The following FRMD5 variants were observed in gnomAD, a reference collection of about 807,000 sequenced individuals.
FRMD5 encodes FERM domain containing 5, also known as FERM domain-containing protein 5.
A neutral mutation model predicts 69.0 loss-of-function variants in FRMD5; 20 were observed. The ratio of observed to expected loss-of-function variants is 0.29; its 90% CI spans 0.20 to 0.42. The LOEUF (loss-of-function observed/expected upper bound fraction) is 0.42. Ranked by LOEUF, FRMD5 falls within the 10% of genes least tolerant of loss-of-function variation. FRMD5 has a pLI of 1.00. For synonymous variants in FRMD5, 271 were observed against 260.1 expected, an observed-to-expected ratio of 1.04 and a Z score of -0.40; for missense variants, 595 against 708.6, an observed-to-expected ratio of 0.84 and a Z score of 1.82.
intron 1 of FRMD5, among the ~76,000 whole-genome samples, chr15:44,118,400 A>T (rs2076900588): frequency 6.6e-6 from 1 of 152,160 alleles, no homozygotes; most frequent in Admixed American, 6.5e-5. Flanking sequence ...AAAAATCCAG[A>T]ACATATTTGT....
chr15:44,181,692 A>G (rs536943902), intron 1 of FRMD5, among the ~76,000 whole-genome samples: 1 of 152,254 alleles, frequency 6.6e-6, no homozygotes, highest in African/African-American at 2.4e-5. Flanking sequence ...ACTTGAGTCC[A>G]GGAGTTTGAA....
chr15:43,913,458 G>C (rs987520898), intron 4 of FRMD5, among the ~76,000 whole-genome samples: 4 of 152,358 alleles, frequency 2.6e-5, no homozygotes, highest in Middle Eastern at 3.4e-3. Flanking sequence ...CTGCCACAGT[G>C]GCTTCCATCG....
intron 1 of FRMD5, among the ~76,000 whole-genome samples, chr15:44,124,987 A>G (rs1337994839): frequency 6.6e-6 from 1 of 152,172 alleles, no homozygotes; most frequent in East Asian, 1.9e-4. Flanking sequence ...CTGACAAATA[A>G]GAACAATTAA....
intron 8 of FRMD5, among the ~76,000 whole-genome samples, chr15:43,890,252 GA>G: frequency 6.6e-6 from 1 of 152,326 alleles, no homozygotes; most frequent in African/African-American, 2.4e-5. Context: ...GTTTTATTTT[GA>G]GAGTGAGATT....
At chr15:44,143,350 T>A (rs565741421) in intron 1 of FRMD5, among the ~76,000 whole-genome samples, 1 of 152,206 alleles carries the variant, frequency 6.6e-6, no homozygotes, top group African/African-American at 2.4e-5. Context: ...GACTTACTTC[T>A]ATCTGGTTCT....
At chr15:43,916,431 T>C (rs1176261062) in intron 4 of FRMD5, among the ~76,000 whole-genome samples, 1 of 152,246 alleles carries the variant, frequency 6.6e-6, no homozygotes, top group Non-Finnish European at 1.5e-5. Context: ...TTGTGCATGA[T>C]GCAGAGCCCC....
intron 1 of FRMD5, among the ~76,000 whole-genome samples, chr15:43,933,642 G>A (rs1050347495): frequency 2.6e-5 from 4 of 152,148 alleles, no homozygotes; most frequent in African/African-American, 9.7e-5. Flanking sequence ...AACCTTCCAC[G>A]TTTTCATATA....
chr15:44,031,811 G>A (rs900330737), intron 1 of FRMD5, among the ~76,000 whole-genome samples: 14 of 152,078 alleles, frequency 9.2e-5, no homozygotes, highest in Admixed American at 6.6e-4. Flanking sequence ...TTACTTGAAC[G>A]TTAGAGAAAC....
intron 1 of FRMD5, among the ~76,000 whole-genome samples, chr15:44,076,720 A>G (rs1893786503): frequency 6.6e-6 from 1 of 151,084 alleles, no homozygotes; most frequent in South Asian, 2.1e-4. Flanking sequence ...ACATGTATAC[A>G]TATGTAACTA....
rs1013909223 is a variant in FRMD5, at chr15:44,195,173, G to A, written c.-119C>T. 1.4e-6 allele frequency: 1 copy of A among 714,068 alleles called. No individual in the cohort carries two copies. The highest frequency in any genetic ancestry group is 2.2e-6 in the Non-Finnish European group (1 of 459,678). The allele number at this position is 714,068 out of a possible 1,614,324, so 44.2% of individuals were successfully genotyped here. A position where few individuals can be genotyped will look rare whatever the true frequency, so the allele number is the denominator to read the frequency against. Reference sequence around the variant, plus strand: ...CCTGCACCATCACCCCGGCCCCGTCGCTGCCGTTGCCTCCTGCTGGCCTCG... The same window carrying A: ...CCTGCACCATCACCCCGGCCCCGTCACTGCCGTTGCCTCCTGCTGGCCTCG... On this transcript the variant is annotated 5_prime_UTR_variant, in exon 1 of 14. Transcript: ENST00000417257.
At chr15:43,984,806 A>G (rs192027420) in intron 1 of FRMD5, among the ~76,000 whole-genome samples, 28 of 152,256 alleles carry the variant, frequency 1.8e-4, no homozygotes, top group African/African-American at 6.5e-4. Context: ...CAACATGGTG[A>G]AATCCTGTCT....
intron 1 of FRMD5, among the ~76,000 whole-genome samples, chr15:44,150,560 G>A (rs983046536): frequency 1.3e-5 from 2 of 151,634 alleles, no homozygotes; most frequent in South Asian, 2.1e-4. Context: ...CAGGAAGATC[G>A]TTTAAGCCCA....
At chr15:44,195,278 T>A (rs2078273119), upstream of FRMD5, 1 of 509,930 alleles carries the variant, frequency 2.0e-6, no homozygotes, top group Non-Finnish European at 3.4e-6. Context: ...CTCTGTCTCC[T>A]CGGCGCCCCA....
intron 1 of FRMD5, among the ~76,000 whole-genome samples, chr15:44,146,949 C>T (rs1168577628): frequency 6.6e-6 from 1 of 152,174 alleles, no homozygotes; most frequent in African/African-American, 2.4e-5. Flanking sequence ...CCCATTCACT[C>T]TGATGGATAG....
At chr15:44,060,820 A>C (rs1893059058) in intron 1 of FRMD5, among the ~76,000 whole-genome samples, 1 of 152,208 alleles carries the variant, frequency 6.6e-6, no homozygotes, top group South Asian at 2.1e-4. Context: ...ATCTGAGAAT[A>C]CTTGGATTAA....
intron 1 of FRMD5, among the ~76,000 whole-genome samples, chr15:44,175,752 A>T (rs1453830977): frequency 6.6e-6 from 1 of 152,214 alleles, no homozygotes; most frequent in Non-Finnish European, 1.5e-5. Flanking sequence ...ATTGTGATAC[A>T]TCCATAAAAT....
At chr15:43,964,499 A>C (rs1466448846) in intron 1 of FRMD5, among the ~76,000 whole-genome samples, 1 of 139,104 alleles carries the variant, frequency 7.2e-6, no homozygotes, top group African/African-American at 3.0e-5. Flanking sequence ...AAACAAACAA[A>C]CAAAAAAAAA....
intron 1 of FRMD5, among the ~76,000 whole-genome samples, chr15:44,116,603 G>C (rs182250339): frequency 6.6e-6 from 1 of 151,970 alleles, no homozygotes; most frequent in Non-Finnish European, 1.5e-5. Flanking sequence ...ACAAGGAACC[G>C]GTTGTCTGCA....
intron 1 of FRMD5, among the ~76,000 whole-genome samples, chr15:43,995,853 T>A (rs1308659676): frequency 1.3e-5 from 2 of 151,936 alleles, no homozygotes; most frequent in African/African-American, 4.8e-5. Flanking sequence ...TTGGTCCACA[T>A]GGATGTTCCT....
Sources: allele counts gnomAD v4.1 joint callset (sites outside exome capture counted in the v4.1 genomes callset), GRCh38; gene constraint gnomAD v4.1.1; transcripts MANE v1.5; gene names NCBI Gene and HGNC (gene_info 2026-07-23, HGNC 2026-07-21).